Variants in SECISBP2 observed in about 807,000 individuals in gnomAD.
SECISBP2 encodes SECIS binding protein 2.
In SECISBP2, 96 loss-of-function variants were observed where a neutral mutation model predicts 98.2. The ratio of observed to expected loss-of-function variants is 0.98; its 90% CI spans 0.83 to 1.16. SECISBP2 has a LOEUF of 1.16. SECISBP2 is among the 50% of genes most tolerant of loss of function. The pLI, the probability that SECISBP2 is intolerant of heterozygous loss-of-function variation, is 0.00. For synonymous variants in SECISBP2, 407 were observed against 370.2 expected (o/e 1.10, Z -1.14); for missense variants, 1,046 against 1,022.9 (o/e 1.02, Z -0.31).
At chr9:89,349,978 C>T (rs1291664162) in intron 13 of SECISBP2, 49 bp downstream of exon 13, 11 of 1,603,906 alleles carry the variant, frequency 6.9e-6, no homozygotes, top group South Asian at 5.5e-5. Flanking sequence ...GGAAGTGCTT[C>T]GGTTCAGTAT....
chr9:89,341,405 G>A lies in SECISBP2; in HGVS notation c.1361G>A (p.Gly454Asp). 1.2e-6 allele frequency: 2 copies of A among 1,613,982 alleles called. No individual in the cohort carries two copies. ...SQLPVQLDLGGMLTALEKKQH... is the reference protein window; with the variant it reads ...SQLPVQLDLGDMLTALEKKQH... The stretch of plus-strand genomic sequence containing the variant: ...CTTCCAGTGCAGTTGGACTTGGGGG[G>A]CATGCTGACAGCCCTGGAGAAGAAG... The change falls in exon 10 of 17, where the codon GGC becomes GAC. Residue 454 changes from glycine to aspartate, a missense_variant. By Grantham distance (94) the Gly-to-Asp change is moderately conservative. Coordinates refer to ENST00000375807, the MANE Select transcript of SECISBP2 (RefSeq NM_024077.5).
chr9:89,357,347 C>G (rs538614503), intron 14 of SECISBP2, 64 bp from the exon 15 acceptor site: 1 of 1,583,996 alleles, frequency 6.3e-7, no homozygotes, highest in African/African-American at 1.3e-5. Flanking sequence ...CTCTTTGCAA[C>G]CAGTATTAAC....
chr9:89,328,907 T>G, intron 5 of SECISBP2, 21 bp downstream of exon 5: 1 of 1,569,942 alleles, frequency 6.4e-7, no homozygotes, highest in East Asian at 2.2e-5. Context: ...GGTTTCTCTC[T>G]TTTTCTTTTT....
chr9:89,365,771 T>G, the SECISBP2 span: 1 of 152,134 alleles, frequency 6.6e-6, no homozygotes, highest in Admixed American at 6.5e-5. Context: ...GGACCCACGC[T>G]CCCCTCCCTG....
chr9:89,336,032 A>G (rs1403095053), intron 7 of SECISBP2, among the ~76,000 whole-genome samples: 2 of 144,026 alleles, frequency 1.4e-5, no homozygotes, highest in African/African-American at 2.6e-5. Flanking sequence ...TTTACTTGTT[A>G]TAAGATAGCA....
In SECISBP2 at chr9:89,326,891, G is replaced by A. The variant is rs140857530; in HGVS notation, c.574+853G>A. ...TATCAAAATATAGAAAAGGTACAGC[G>A]GTGGCTCACGCCTGTAATCCCAGCA... On this transcript the variant is annotated intron_variant, in intron 4 of 16. Coordinates refer to ENST00000375807, the MANE Select transcript of SECISBP2 (RefSeq NM_024077.5). 9.5e-4 allele frequency among the ~76,000 whole-genome samples: 144 copies of A among 152,296 alleles called. No individual in the cohort carries two copies. The Middle Eastern group carries it at 0.01, about 11-fold the overall frequency.
intron 12 of SECISBP2, among the ~76,000 whole-genome samples, chr9:89,348,528 A>G (rs780410673): frequency 6.6e-6 from 1 of 152,244 alleles, no homozygotes; most frequent in African/African-American, 2.4e-5. Flanking sequence ...CGCTAGCTGC[A>G]CAGCTGCTTA....
At chr9:89,338,029 A>T (rs557299254) in intron 7 of SECISBP2, among the ~76,000 whole-genome samples, 24 of 152,314 alleles carry the variant, frequency 1.6e-4, no homozygotes, top group African/African-American at 5.8e-4. Flanking sequence ...CAGTCCTGGG[A>T]TGGTCCCAGG....
chr9:89,333,958 C>T (rs1303958291), intron 6 of SECISBP2: 4 of 964,898 alleles, frequency 4.1e-6, no homozygotes, highest in Non-Finnish European at 3.7e-6. Flanking sequence ...TGGGGGTAGC[C>T]ACAGGCTGCT....
chr9:89,365,591 G>T, the SECISBP2 span: 1 of 152,192 alleles, frequency 6.6e-6, no homozygotes, highest in Admixed American at 6.5e-5. Context: ...ATGAAGTGTG[G>T]CTTCATGGAG....
rs1826573193 is a variant in SECISBP2, at chr9:89,325,687, ATGT to A, written c.432+16_432+18del. ...AAAGCTCTGTTTAAGGTGAGTAGTG[ATGT>A]TGTTTTGTTGTGTCCTTTAGTTGGT... On this transcript the variant is annotated intron_variant, in intron 3 of 16. Coordinates refer to ENST00000375807, the MANE Select transcript of SECISBP2 (RefSeq NM_024077.5). 5 of 1,614,142 alleles carry A rather than the reference ATGT, an allele frequency of 3.1e-6. No individual in the cohort carries two copies. The highest frequency in any genetic ancestry group is 2.7e-5 in the African/African-American group (2 of 75,046).
chr9:89,334,994 C>CACGA (rs1828390085), intron 7 of SECISBP2, among the ~76,000 whole-genome samples: 1 of 152,244 alleles, frequency 6.6e-6, no homozygotes, highest in African/African-American at 2.4e-5. Context: ...GCGGGCAGAT[C>CACGA]ACGAGGTCAG....
chr9:89,360,661 T>C (rs1832690647), downstream of SECISBP2: 1 of 152,208 alleles, frequency 6.6e-6, no homozygotes, highest in Non-Finnish European at 1.5e-5. Context: ...ATGCTATCAT[T>C]TTCTTGGCAG....
intron 2 of SECISBP2, chr9:89,324,093 T>C (rs1248659549): frequency 6.6e-6 from 1 of 152,238 alleles, no homozygotes; most frequent in Non-Finnish European, 1.5e-5. Flanking sequence ...TTCTGTCAAC[T>C]CATCTTTTAT....
At chr9:89,337,014 T>A (rs1470359672) in intron 7 of SECISBP2, among the ~76,000 whole-genome samples, 1 of 152,124 alleles carries the variant, frequency 6.6e-6, no homozygotes, top group Non-Finnish European at 1.5e-5. Flanking sequence ...CCTCAGGTGA[T>A]CCATCTGCCT....
At chr9:89,321,477 C>G (rs1298416458) in intron 2 of SECISBP2, among the ~76,000 whole-genome samples, 1 of 151,652 alleles carries the variant, frequency 6.6e-6, no homozygotes, top group Non-Finnish European at 1.5e-5. Flanking sequence ...CGAGCCTGAC[C>G]AACATGGTGA....
chr9:89,326,041 A>G lies in SECISBP2; in HGVS notation c.574+3A>G. ...CGCTGAGAATAGTTTGAAATCAGGTAAAAATAACCAACAATGTAGTATAAT... is the reference window on the plus strand; with the variant it reads ...CGCTGAGAATAGTTTGAAATCAGGTGAAAATAACCAACAATGTAGTATAAT... On this transcript the variant is annotated splice_donor_region_variant and intron_variant, in intron 4 of 16. Transcript: ENST00000375807. 2 of 1,611,560 alleles carry G rather than the reference A, an allele frequency of 1.2e-6. No individual in the cohort carries two copies. Among genetic ancestry groups the G allele is most frequent in the South Asian group, 1.1e-5 (1 of 91,080 alleles).
In SECISBP2 at chr9:89,358,893, C is replaced by G. The variant is rs1436741495; in HGVS notation, c.*69C>G. On this transcript the variant is annotated 3_prime_UTR_variant, in exon 17 of 17. Transcript: ENST00000375807. ...TCTGAAAAAGACTTTGGGGCTTTTT[C>G]TTCTGTTTTTCATGACAATGTAATT... 2.2e-6 allele frequency: 2 copies of G among 925,880 alleles called. No individual in the cohort carries two copies. The highest frequency in any genetic ancestry group is 2.5e-5 in the East Asian group (1 of 39,770). The allele number at this position is 925,880 out of a possible 1,614,324, so 57.4% of individuals were successfully genotyped here.
chr9:89,338,138 G>A (rs1347853298), intron 7 of SECISBP2, among the ~76,000 whole-genome samples: 1 of 152,208 alleles, frequency 6.6e-6, no homozygotes, highest in Non-Finnish European at 1.5e-5. Context: ...GGCCTGCCTG[G>A]AATTATATGG....
Sources: gnomAD v4.1 joint callset for allele counts (sites outside exome capture counted in the v4.1 genomes callset) on GRCh38, gnomAD v4.1.1 for gene constraint, MANE v1.5 for transcripts, NCBI Gene and HGNC (gene_info 2026-07-23, HGNC 2026-07-21) for gene names.